Variants in RBFOX1 observed in about 807,000 individuals in gnomAD.
RBFOX1 encodes the protein RNA binding protein fox-1 homolog 1.
In RBFOX1, 8 loss-of-function variants were observed where a neutral mutation model predicts 57.7. That is an observed-to-expected ratio of 0.14 (90% confidence interval 0.08 to 0.25). The LOEUF is 0.25. Among genes scored for constraint, RBFOX1 ranks in the 10% least tolerant of loss-of-function variants. The pLI is 1.00. For synonymous variants in RBFOX1, 326 were observed against 222.4 expected, an observed-to-expected ratio of 1.47 and a Z score of -4.15; for missense variants, 611 against 548.5, an observed-to-expected ratio of 1.11 and a Z score of -1.14.
chr16:5,332,844 T>C (rs916009975), intron 1 of RBFOX1, among the ~76,000 whole-genome samples: 14 of 152,040 alleles, frequency 9.2e-5, no homozygotes, highest in Non-Finnish European at 7.4e-5. Flanking sequence ...AGCCCTATTA[T>C]TTTCTGTTCC....
At chr16:6,320,296 A>G (rs2152784306) in intron 2 of RBFOX1, among the ~76,000 whole-genome samples, 1 of 152,246 alleles carries the variant, frequency 6.6e-6, no homozygotes, top group East Asian at 1.9e-4. Context: ...TACATGCCAC[A>G]TCTATCTTTT....
At chr16:6,426,484 G>C (rs2093932124) in intron 2 of RBFOX1, among the ~76,000 whole-genome samples, 1 of 152,066 alleles carries the variant, frequency 6.6e-6, no homozygotes, top group South Asian at 2.1e-4. Flanking sequence ...GACTAAAATA[G>C]GCCTGGTGTG....
intron 1 of RBFOX1, among the ~76,000 whole-genome samples, chr16:6,171,626 A>C (rs1200699901): frequency 6.6e-6 from 1 of 152,128 alleles, no homozygotes; most frequent in African/African-American, 2.4e-5. Context: ...TGGATTTTCA[A>C]GGGTTAAAAG....
chr16:6,933,829 C>G (rs563103805), intron 3 of RBFOX1, among the ~76,000 whole-genome samples: 1 of 152,158 alleles, frequency 6.6e-6, no homozygotes, highest in Non-Finnish European at 1.5e-5. Flanking sequence ...GCAGTGTTTA[C>G]CTCTCTTTAT....
At chr16:6,861,535 C>T (rs908521081) in intron 3 of RBFOX1, among the ~76,000 whole-genome samples, 1 of 129,280 alleles carries the variant, frequency 7.7e-6, no homozygotes, top group Admixed American at 1.0e-4. Flanking sequence ...TCTCAATGTT[C>T]CTTTAACTGG....
At chr16:6,809,081 A>G (rs1303411759) in intron 3 of RBFOX1, among the ~76,000 whole-genome samples, 1 of 152,192 alleles carries the variant, frequency 6.6e-6, no homozygotes, top group Non-Finnish European at 1.5e-5. Flanking sequence ...TCAACCACCC[A>G]TAGACTGCTA....
At chr16:6,817,663 A>T (rs887287017) in intron 3 of RBFOX1, among the ~76,000 whole-genome samples, 3 of 151,934 alleles carry the variant, frequency 2.0e-5, no homozygotes, top group Non-Finnish European at 2.9e-5. Context: ...AGATTGCACC[A>T]CTGCACTCCA....
chr16:5,821,708 C>T (rs1054207184), intron 3 of RBFOX1, among the ~76,000 whole-genome samples: 11 of 152,134 alleles, frequency 7.2e-5, no homozygotes, highest in African/African-American at 2.7e-4. Context: ...AAAGCACAAA[C>T]ATTAATTTTC....
chr16:6,092,013 A>C (rs1315570362), intron 1 of RBFOX1, among the ~76,000 whole-genome samples: 1 of 151,948 alleles, frequency 6.6e-6, no homozygotes, highest in African/African-American at 2.4e-5. Flanking sequence ...CTATCTACCT[A>C]CCTGTTCACA....
At chr16:7,038,201 A>G (rs2045106540) in intron 3 of RBFOX1, among the ~76,000 whole-genome samples, 1 of 152,108 alleles carries the variant, frequency 6.6e-6, no homozygotes, top group Non-Finnish European at 1.5e-5. Context: ...TGGTCCCAGG[A>G]GACCGGTTCA....
chr16:5,775,749 C>A (rs898822681), intron 3 of RBFOX1, among the ~76,000 whole-genome samples: 2 of 152,214 alleles, frequency 1.3e-5, no homozygotes, highest in African/African-American at 4.8e-5. Context: ...TGGAATGCTG[C>A]AATGTCCACT....
chr16:7,379,915 C>G (rs906919201), intron 4 of RBFOX1, among the ~76,000 whole-genome samples: 4 of 152,086 alleles, frequency 2.6e-5, no homozygotes, highest in African/African-American at 9.7e-5. Context: ...TGCAATGGCA[C>G]CATCATATCT....
At chr16:5,739,575 A>G (rs2151586730) in intron 3 of RBFOX1, among the ~76,000 whole-genome samples, 1 of 152,380 alleles carries the variant, frequency 6.6e-6, no homozygotes, top group South Asian at 2.1e-4. Flanking sequence ...TAGAGAAAAT[A>G]AATTTTTCAT....
intron 1 of RBFOX1, among the ~76,000 whole-genome samples, chr16:5,449,200 G>A (rs1343634432): frequency 6.6e-6 from 1 of 152,142 alleles, no homozygotes; most frequent in Non-Finnish European, 1.5e-5. Context: ...AGGCATCAGA[G>A]CCCTGCAGTC....
intron 3 of RBFOX1, among the ~76,000 whole-genome samples, chr16:7,024,920 G>A (rs1232727647): frequency 2.6e-5 from 4 of 152,094 alleles, no homozygotes; most frequent in South Asian, 4.1e-4. Context: ...ACTTTATAGA[G>A]GAGGACACTG....
chr16:7,407,250 G>A (rs1014236924), intron 4 of RBFOX1, among the ~76,000 whole-genome samples: 8 of 152,140 alleles, frequency 5.3e-5, no homozygotes, highest in Non-Finnish European at 2.9e-5. Flanking sequence ...ATTAGGACAT[G>A]AGCATGTTTG....
chr16:7,216,067 T>A (rs1250858865), intron 4 of RBFOX1, among the ~76,000 whole-genome samples: 2 of 152,192 alleles, frequency 1.3e-5, no homozygotes, highest in African/African-American at 4.8e-5. Context: ...TGTTCTTTTG[T>A]ATTTGCCTTC....
chr16:7,704,982 T>G (rs1196355143), intron 14 of RBFOX1, among the ~76,000 whole-genome samples: 2 of 148,452 alleles, frequency 1.3e-5, no homozygotes, highest in Admixed American at 1.3e-4. Context: ...AGGCAGAGGT[T>G]AGAGTGAGCC....
At chr16:7,476,706 A>G (rs1019392167) in intron 4 of RBFOX1, among the ~76,000 whole-genome samples, 1 of 152,158 alleles carries the variant, frequency 6.6e-6, no homozygotes, top group African/African-American at 2.4e-5. Flanking sequence ...ATTTCCCCAG[A>G]AAGACCCCTC....
Sources: allele counts gnomAD v4.1 joint callset (sites outside exome capture counted in the v4.1 genomes callset), GRCh38; gene constraint gnomAD v4.1.1; transcripts MANE v1.5; gene names NCBI Gene and HGNC (gene_info 2026-07-23, HGNC 2026-07-21).